AFG2A: variants seen among roughly 807,000 people sequenced by gnomAD.
AFG2A encodes ATPase family gene 2 protein homolog A.
chr4:122,931,900 T>C, the AFG2A span, among the ~76,000 whole-genome samples: 2 of 152,174 alleles, frequency 1.3e-5, no homozygotes, highest in African/African-American at 2.4e-5. Flanking sequence ...ACATAAGTTT[T>C]TGGGAGTTGG....
the AFG2A span, among the ~76,000 whole-genome samples, chr4:123,245,409 A>G: frequency 6.6e-6 from 1 of 152,196 alleles, no homozygotes; most frequent in Admixed American, 6.5e-5. Flanking sequence ...AGGAAATGTT[A>G]GTTTGCATTG....
At chr4:123,188,205 G>A in the AFG2A span, among the ~76,000 whole-genome samples, 5 of 151,358 alleles carry the variant, frequency 3.3e-5, no homozygotes, top group East Asian at 7.7e-4. Flanking sequence ...TTTTAGTATT[G>A]CCTCCTTAAT....
chr4:122,928,911 ACT>A, the AFG2A span: 2 of 1,165,994 alleles, frequency 1.7e-6, no homozygotes, highest in Non-Finnish European at 2.3e-6. Context: ...TCAGATTGTA[ACT>A]CTTTTTGGGT....
At chr4:123,188,255 A>G in the AFG2A span, among the ~76,000 whole-genome samples, 1 of 151,996 alleles carries the variant, frequency 6.6e-6, no homozygotes, top group Non-Finnish European at 1.5e-5. Context: ...AGAACTTCCT[A>G]TTTATTGTAG....
At chr4:123,223,189 C>G in the AFG2A span, among the ~76,000 whole-genome samples, 1 of 152,208 alleles carries the variant, frequency 6.6e-6, no homozygotes, top group South Asian at 2.1e-4. Flanking sequence ...TCCACATCCT[C>G]ACCAACTTTT....
At chr4:123,053,342 C>T in the AFG2A span, among the ~76,000 whole-genome samples, 2 of 152,240 alleles carry the variant, frequency 1.3e-5, no homozygotes, top group Non-Finnish European at 2.9e-5. Context: ...CGTGGAAATG[C>T]TGGCCAGGGA....
chr4:122,979,128 A>G, the AFG2A span: 3 of 1,360,366 alleles, frequency 2.2e-6, no homozygotes, highest in Admixed American at 2.4e-5. Flanking sequence ...CACTGCAGCC[A>G]GTGTCTTCAC....
At chr4:123,114,128 C>G in the AFG2A span, among the ~76,000 whole-genome samples, 2 of 152,052 alleles carry the variant, frequency 1.3e-5, no homozygotes, top group Non-Finnish European at 2.9e-5. Flanking sequence ...TCTCTGCAGT[C>G]GGTCCCTCCA....
chr4:123,231,788 A>C, the AFG2A span, among the ~76,000 whole-genome samples: 1 of 151,926 alleles, frequency 6.6e-6, no homozygotes, highest in Non-Finnish European at 1.5e-5. Context: ...CATTGGCCTA[A>C]TTTCATTATT....
chr4:123,058,069 A>T, the AFG2A span, among the ~76,000 whole-genome samples: 2 of 152,236 alleles, frequency 1.3e-5, no homozygotes, highest in African/African-American at 4.8e-5. Context: ...CTTCTTAATT[A>T]GAGCTGCCTC....
the AFG2A span, among the ~76,000 whole-genome samples, chr4:123,111,923 A>G: frequency 2.6e-5 from 4 of 152,058 alleles, no homozygotes; most frequent in Admixed American, 6.6e-5. Context: ...GGGTTTCACC[A>G]TGTTGGCCAG....
chr4:123,150,837 C>T, the AFG2A span, among the ~76,000 whole-genome samples: 1 of 152,130 alleles, frequency 6.6e-6, no homozygotes, highest in East Asian at 1.9e-4. Flanking sequence ...AAGAACAAAG[C>T]TGGAGACGTC....
At chr4:123,132,864 C>T in the AFG2A span, among the ~76,000 whole-genome samples, 4 of 151,094 alleles carry the variant, frequency 2.6e-5, no homozygotes, top group East Asian at 5.9e-4. Flanking sequence ...CACTGCAAGC[C>T]CCGCCTCCTG....
chr4:122,967,495 C>G, the AFG2A span, among the ~76,000 whole-genome samples: 1 of 152,090 alleles, frequency 6.6e-6, no homozygotes, highest in African/African-American at 2.4e-5. Context: ...TCATACCAAC[C>G]ATATTCGTTT....
chr4:123,012,559 T>C, the AFG2A span, among the ~76,000 whole-genome samples: 1 of 151,980 alleles, frequency 6.6e-6, no homozygotes, highest in African/African-American at 2.4e-5. Context: ...GAAATGTGGG[T>C]GAATAATCAG....
At chr4:122,955,307 A>G in the AFG2A span, among the ~76,000 whole-genome samples, 1 of 152,148 alleles carries the variant, frequency 6.6e-6, no homozygotes, top group Non-Finnish European at 1.5e-5. Flanking sequence ...TGCATTTGCC[A>G]TACACCCACT....
the AFG2A span, chr4:122,934,754 T>G: frequency 5.2e-6 from 8 of 1,533,076 alleles, no homozygotes; most frequent in Admixed American, 1.6e-4. Flanking sequence ...ATGTCTTCAG[T>G]TTATTGCACC....
chr4:123,286,147 A>G, the AFG2A span, among the ~76,000 whole-genome samples: 1 of 152,172 alleles, frequency 6.6e-6, no homozygotes, highest in East Asian at 1.9e-4. Flanking sequence ...AGTTGCATAG[A>G]ATAGCTCTTC....
chr4:123,090,712 G>A, the AFG2A span: 1 of 1,610,476 alleles, frequency 6.2e-7, no homozygotes, highest in Non-Finnish European at 8.5e-7. Context: ...CAAGGTAAGA[G>A]AGAAGGCATT....
Sources: gnomAD v4.1 joint callset for allele counts (sites outside exome capture counted in the v4.1 genomes callset) on GRCh38, gnomAD v4.1.1 for gene constraint, MANE v1.5 for transcripts, NCBI Gene and HGNC (gene_info 2026-07-23, HGNC 2026-07-21) for gene names.